Variants in DLG2 observed in about 807,000 individuals in gnomAD.
DLG2 encodes the protein disks large homolog 2.
A neutral mutation model predicts 132.5 loss-of-function variants in DLG2; 45 were observed. That is an observed-to-expected ratio of 0.34 (90% CI 0.27 to 0.44). The LOEUF (loss-of-function observed/expected upper bound fraction) is 0.44, where lower values mean the gene tolerates loss of function less well. Ranked by LOEUF, DLG2 falls within the 20% of genes least tolerant of loss-of-function variation. The probability of loss-of-function intolerance (pLI) is 1.00; values close to 1 mark genes in which losing one functional copy is unlikely to be tolerated. For synonymous variants in DLG2, 424 were observed against 419.6 expected (o/e 1.01, Z -0.13); for missense variants, 1,045 against 1,196.9 (o/e 0.87, Z 1.87).
intron 17 of DLG2, among the ~76,000 whole-genome samples, chr11:83,801,160 C>A (rs1303606209): frequency 2.0e-5 from 3 of 152,170 alleles, no homozygotes; most frequent in Non-Finnish European, 4.4e-5. Flanking sequence ...CCTCCCCATG[C>A]AATCCCTTAG....
chr11:84,925,054 C>A (rs892130037), intron 6 of DLG2, among the ~76,000 whole-genome samples: 1 of 152,094 alleles, frequency 6.6e-6, no homozygotes, highest in African/African-American at 2.4e-5. Context: ...CTTAAAAATG[C>A]CTTTCTCCAC....
At chr11:84,662,405 C>T (rs560035925) in intron 6 of DLG2, among the ~76,000 whole-genome samples, 134 of 152,066 alleles carry the variant, frequency 8.8e-4, no homozygotes, top group African/African-American at 3.0e-3. Flanking sequence ...GAACTCCCGA[C>T]CTCAGGTGAT....
chr11:84,358,965 A>C (rs1480237973), intron 7 of DLG2, among the ~76,000 whole-genome samples: 1 of 151,856 alleles, frequency 6.6e-6, no homozygotes, highest in Non-Finnish European at 1.5e-5. Context: ...ATTGTTCTTT[A>C]CTTGTCAGTT....
intron 11 of DLG2, among the ~76,000 whole-genome samples, chr11:84,053,283 G>A (rs115077336): frequency 0.017 from 2,514 of 152,026 alleles, 72 homozygotes; most frequent in African/African-American, 0.057. Context: ...CAGGAGGAAG[G>A]GAGAGCATCA....
chr11:83,939,635 G>T (rs546510399), intron 14 of DLG2, among the ~76,000 whole-genome samples: 3 of 152,168 alleles, frequency 2.0e-5, no homozygotes, highest in Non-Finnish European at 4.4e-5. Flanking sequence ...TCGGAGGCTC[G>T]AGGATGATTG....
intron 6 of DLG2, among the ~76,000 whole-genome samples, chr11:84,619,989 G>C (rs2099611074): frequency 6.7e-6 from 1 of 150,246 alleles, no homozygotes; most frequent in Admixed American, 6.6e-5. Context: ...CCTAAACAAA[G>C]ACACACCTGA....
At chr11:83,971,514 A>G (rs1328792355) in intron 12 of DLG2, among the ~76,000 whole-genome samples, 1 of 151,572 alleles carries the variant, frequency 6.6e-6, no homozygotes, top group Non-Finnish European at 1.5e-5. Context: ...GTGTGGGGGC[A>G]TGAGAATATA....
At chr11:84,749,138 A>T (rs1471828964) in intron 6 of DLG2, among the ~76,000 whole-genome samples, 1 of 152,168 alleles carries the variant, frequency 6.6e-6, no homozygotes, top group South Asian at 2.1e-4. Flanking sequence ...GTCAACTAGA[A>T]TTTTTTTGGT....
intron 6 of DLG2, among the ~76,000 whole-genome samples, chr11:84,898,142 T>C (rs1260965231): frequency 6.6e-6 from 1 of 151,974 alleles, no homozygotes; most frequent in African/African-American, 2.4e-5. Context: ...AAATGTACTT[T>C]TTTCCTACTC....
At chr11:84,745,925 C>A (rs1162305205) in intron 6 of DLG2, among the ~76,000 whole-genome samples, 1 of 152,202 alleles carries the variant, frequency 6.6e-6, no homozygotes, top group Non-Finnish European at 1.5e-5. Flanking sequence ...TAGCCCTTAG[C>A]TATCTGCAAA....
At position 85,454,376 on chromosome 11, in the gene DLG2, T is replaced by C. The variant is rs1434370768; in HGVS notation, c.40+144281A>G. 2.6e-5 allele frequency among the ~76,000 whole-genome samples: 4 copies of C among 152,036 alleles called. No individual in the cohort carries two copies. The East Asian group carries it at 7.7e-4, about 29-fold the overall frequency. ...GTCCTTTGCCCACTTTTTAATAGTA[T>C]TGTTTGGTTTTTGCTTGTAAATTTG... On this transcript the variant is annotated intron_variant, in intron 3 of 27. Coordinates refer to ENST00000376104, the MANE Select transcript of DLG2 (RefSeq NM_001142699.3).
At position 84,534,831 on chromosome 11, in the gene DLG2, T is replaced by C. The variant is rs960353127; in HGVS notation, c.358-100A>G. Reference sequence around the variant, plus strand: ...CTAACTTCATCAATAGGACACAGTGTGCACCTACTGTTGACTTCACCAAAT... The same window carrying C: ...CTAACTTCATCAATAGGACACAGTGCGCACCTACTGTTGACTTCACCAAAT... On this transcript the variant is annotated intron_variant, in intron 6 of 27. Transcript: ENST00000376104. The C allele has an allele frequency of 5.1e-6, 7 of 1,360,524 alleles. 1 individual carries two copies. In the African/African-American group the frequency reaches 7.1e-5, roughly 14 times the overall value. 84.3% of individuals were successfully genotyped at this position (1,360,524 alleles called of 1,614,324 possible). A position where few individuals can be genotyped will look rare whatever the true frequency, so the allele number is the denominator to read the frequency against.
chr11:85,568,870 T>A (rs2153225111), intron 3 of DLG2, among the ~76,000 whole-genome samples: 1 of 152,296 alleles, frequency 6.6e-6, no homozygotes, highest in South Asian at 2.1e-4. Context: ...TCGGTTTCAT[T>A]GATTCTCTCT....
chr11:84,898,700 C>G (rs2090512069), intron 6 of DLG2, among the ~76,000 whole-genome samples: 1 of 151,918 alleles, frequency 6.6e-6, no homozygotes, highest in Non-Finnish European at 1.5e-5. Context: ...CTGTTCTAAA[C>G]TACATGGCAT....
At chr11:85,484,549 A>G (rs2093382584) in intron 3 of DLG2, among the ~76,000 whole-genome samples, 1 of 151,874 alleles carries the variant, frequency 6.6e-6, no homozygotes, top group Non-Finnish European at 1.5e-5. Context: ...AAGGACATCA[A>G]CAGACACTTC....
At chr11:85,441,570 T>C (rs1193624741) in intron 3 of DLG2, among the ~76,000 whole-genome samples, 1 of 152,174 alleles carries the variant, frequency 6.6e-6, no homozygotes, top group Non-Finnish European at 1.5e-5. Flanking sequence ...CAAATATTTA[T>C]TATTATTATA....
chr11:85,106,195 G>T (rs2071720935), intron 6 of DLG2, among the ~76,000 whole-genome samples: 1 of 151,812 alleles, frequency 6.6e-6, no homozygotes, highest in South Asian at 2.1e-4. Flanking sequence ...ATAAAAGAGA[G>T]AAATTACTTT....
intron 7 of DLG2, among the ~76,000 whole-genome samples, chr11:84,278,668 G>A (rs765072975): frequency 1.3e-5 from 2 of 151,688 alleles, no homozygotes; most frequent in Non-Finnish European, 2.9e-5. Flanking sequence ...ATACGAAATT[G>A]GTTTAACATT....
At chr11:85,294,262 T>C (rs970747747) in intron 3 of DLG2, among the ~76,000 whole-genome samples, 1 of 151,942 alleles carries the variant, frequency 6.6e-6, no homozygotes. Context: ...TGAAATTACA[T>C]TGAAATACAC....
Sources: allele counts gnomAD v4.1 joint callset (sites outside exome capture counted in the v4.1 genomes callset), GRCh38; gene constraint gnomAD v4.1.1; transcripts MANE v1.5; gene names NCBI Gene and HGNC (gene_info 2026-07-23, HGNC 2026-07-21).